CNTNAP2: variants seen among roughly 807,000 people sequenced by gnomAD.
CNTNAP2 encodes contactin associated protein 2, also known as contactin-associated protein-like 2.
CNTNAP2 carries 98 observed loss-of-function variants against 155.2 expected under a neutral mutation model. The ratio of observed to expected loss-of-function variants is 0.63; its 90% CI spans 0.54 to 0.75. The LOEUF (loss-of-function observed/expected upper bound fraction) is 0.75. Among genes scored for constraint, CNTNAP2 ranks in the 30% least tolerant of loss-of-function variants. CNTNAP2 has a pLI of 0.00. For synonymous variants in CNTNAP2, 651 were observed against 631.2 expected (o/e 1.03, Z -0.47); for missense variants, 1,727 against 1,688.1 (o/e 1.02, Z -0.40).
rs1163335589 is a variant in CNTNAP2, at chr7:147,201,672, G to A, written c.1348+69163G>A. Among the ~76,000 whole-genome samples, 10 of 152,076 alleles carry A rather than the reference G, an allele frequency of 6.6e-5. No homozygotes were observed. The East Asian group carries it at 7.7e-4, about 12-fold the overall frequency. On this transcript the variant is annotated intron_variant, in intron 8 of 23. Transcript: ENST00000361727. Reference sequence around the variant, plus strand: ...TGGGAACTAATTGGAAGATAAACTCGGAGAAGCTTATTAACCCTCCTAATG... The same window carrying A: ...TGGGAACTAATTGGAAGATAAACTCAGAGAAGCTTATTAACCCTCCTAATG...
chr7:147,530,425 G>A (rs2116724056), intron 11 of CNTNAP2, among the ~76,000 whole-genome samples: 1 of 152,202 alleles, frequency 6.6e-6, no homozygotes, highest in Middle Eastern at 3.4e-3. Flanking sequence ...TGATCTGCCT[G>A]CCTCAGGCTC....
chr7:146,193,826 T>G (rs1252660797), intron 1 of CNTNAP2, among the ~76,000 whole-genome samples: 1 of 152,186 alleles, frequency 6.6e-6, no homozygotes, highest in African/African-American at 2.4e-5. Context: ...TTTTCCAAAC[T>G]TTTATGCTCT....
intron 1 of CNTNAP2, among the ~76,000 whole-genome samples, chr7:146,324,628 T>C (rs562822666): frequency 2.6e-5 from 4 of 152,314 alleles, no homozygotes; most frequent in African/African-American, 7.2e-5. Context: ...TCTATCATTT[T>C]ATTCTATTTT....
At chr7:148,302,857 C>T (rs370935989) in intron 21 of CNTNAP2, among the ~76,000 whole-genome samples, 6 of 119,814 alleles carry the variant, frequency 5.0e-5, no homozygotes, top group African/African-American at 1.9e-4. Flanking sequence ...CTCTCTCTGT[C>T]ACCCAGGCTG....
chr7:146,492,963 A>G (rs528601556), intron 1 of CNTNAP2, among the ~76,000 whole-genome samples: 66 of 152,316 alleles, frequency 4.3e-4, no homozygotes, highest in Middle Eastern at 3.4e-3. Flanking sequence ...AAACAACACC[A>G]AACAAGATGA....
rs147734317 is a variant in CNTNAP2 at position 147,459,909 on chromosome 7, G to A, written c.1671-26026G>A. ...GGTCTGAAACAGGAAACCAAACACC[G>A]CATGTTCTCATTCATAAGTGGGAGT... On this transcript the variant is annotated intron_variant, in intron 10 of 23. Coordinates refer to ENST00000361727, the MANE Select transcript of CNTNAP2 (RefSeq NM_014141.6). Among the ~76,000 whole-genome samples, 31 of 152,170 alleles carry A rather than the reference G, an allele frequency of 2.0e-4. No individual in the cohort carries two copies. In the East Asian group the frequency reaches 3.9e-3, roughly 19 times the overall value.
At chr7:146,486,465 G>A (rs1313826917) in intron 1 of CNTNAP2, among the ~76,000 whole-genome samples, 1 of 152,116 alleles carries the variant, frequency 6.6e-6, no homozygotes, top group Non-Finnish European at 1.5e-5. Context: ...AAAGTTATCT[G>A]AGACACAGGT....
intron 15 of CNTNAP2, among the ~76,000 whole-genome samples, chr7:147,980,177 A>T (rs544295331): frequency 6.6e-6 from 1 of 152,350 alleles, no homozygotes; most frequent in Non-Finnish European, 1.5e-5. Flanking sequence ...ATTGGCTTAT[A>T]ATTTAATTTT....
chr7:147,726,352 C>G (rs962003885), intron 13 of CNTNAP2, among the ~76,000 whole-genome samples: 1 of 151,736 alleles, frequency 6.6e-6, no homozygotes, highest in Non-Finnish European at 1.5e-5. Context: ...GTAACTGAAC[C>G]CAGGACTGGC....
At chr7:147,978,251 G>A in intron 15 of CNTNAP2, 4 of 483,062 alleles carry the variant, frequency 8.3e-6, no homozygotes, top group Non-Finnish European at 1.5e-5. Flanking sequence ...AGTTTATGAT[G>A]ATATTAATAG....
chr7:146,858,117 A>T (rs1223461981), intron 3 of CNTNAP2, among the ~76,000 whole-genome samples: 1 of 152,188 alleles, frequency 6.6e-6, no homozygotes, highest in Non-Finnish European at 1.5e-5. Flanking sequence ...TCACAATTAG[A>T]TCTTGTTCTG....
intron 17 of CNTNAP2, among the ~76,000 whole-genome samples, chr7:148,162,616 C>G (rs1805571181): frequency 6.6e-6 from 1 of 152,154 alleles, no homozygotes; most frequent in South Asian, 2.1e-4. Flanking sequence ...TCTTTGTTGG[C>G]TTAGAGATTA....
intron 14 of CNTNAP2, among the ~76,000 whole-genome samples, chr7:147,904,337 C>T (rs1435466570): frequency 6.6e-6 from 1 of 152,090 alleles, no homozygotes; most frequent in Non-Finnish European, 1.5e-5. Flanking sequence ...TGTTCTGCCC[C>T]GCAGTGAATA....
At chr7:147,351,617 A>G (rs2116879077) in intron 9 of CNTNAP2, among the ~76,000 whole-genome samples, 1 of 151,978 alleles carries the variant, frequency 6.6e-6, no homozygotes, top group South Asian at 2.1e-4. Flanking sequence ...GTTATAGTCT[A>G]AATTTGTGTT....
intron 1 of CNTNAP2, among the ~76,000 whole-genome samples, chr7:146,649,567 G>A (rs991091952): frequency 3.3e-5 from 5 of 151,964 alleles, no homozygotes; most frequent in Admixed American, 1.3e-4. Flanking sequence ...AATAAATGGA[G>A]GAAACTGGAA....
chr7:148,274,766 C>A (rs1796843517), intron 21 of CNTNAP2, among the ~76,000 whole-genome samples: 1 of 152,192 alleles, frequency 6.6e-6, no homozygotes, highest in Non-Finnish European at 1.5e-5. Flanking sequence ...ATTACCCAGT[C>A]TCAGATGTTT....
At chr7:146,881,873 C>T (rs1795559826) in intron 3 of CNTNAP2, among the ~76,000 whole-genome samples, 1 of 150,434 alleles carries the variant, frequency 6.6e-6, no homozygotes, top group Non-Finnish European at 1.5e-5. Flanking sequence ...AGGTATATTG[C>T]ATGGTGCTGA....
chr7:147,466,077 G>A (rs1798114681), intron 10 of CNTNAP2, among the ~76,000 whole-genome samples: 1 of 152,162 alleles, frequency 6.6e-6, no homozygotes, highest in South Asian at 2.1e-4. Flanking sequence ...ATATACATGG[G>A]AGCCTGTAGA....
chr7:146,336,956 G>A (rs1477365877), intron 1 of CNTNAP2, among the ~76,000 whole-genome samples: 1 of 152,006 alleles, frequency 6.6e-6, no homozygotes, highest in Non-Finnish European at 1.5e-5. Flanking sequence ...GGAGAGGATG[G>A]GTCTGAGATG....
Sources: gnomAD v4.1 joint callset for allele counts (sites outside exome capture counted in the v4.1 genomes callset) on GRCh38, gnomAD v4.1.1 for gene constraint, MANE v1.5 for transcripts, NCBI Gene and HGNC (gene_info 2026-07-23, HGNC 2026-07-21) for gene names.